MSRA: variants seen among roughly 807,000 people sequenced by gnomAD.
The protein encoded by MSRA is methionine sulfoxide reductase A.
MSRA carries 54 observed loss-of-function variants against 31.3 expected under a neutral mutation model. The observed-to-expected ratio is 1.73, with a 90% confidence interval of 1.39 to 2.17. The LOEUF (loss-of-function observed/expected upper bound fraction) is 2.17. Among genes scored for constraint, MSRA ranks in the 30% most tolerant of loss-of-function variants. MSRA has a pLI of 0.00. For synonymous variants in MSRA, 169 were observed against 116.5 expected (o/e 1.45, Z -2.90); for missense variants, 507 against 300.9 (o/e 1.69, Z -5.07).
intron 1 of MSRA, among the ~76,000 whole-genome samples, chr8:10,186,321 A>G (rs1259338273): frequency 6.6e-6 from 1 of 152,190 alleles, no homozygotes; most frequent in African/African-American, 2.4e-5. Context: ...GGTTCCTGTC[A>G]CGATGACTGC....
chr8:10,271,245 G>A (rs1243321424), intron 3 of MSRA, among the ~76,000 whole-genome samples: 1 of 152,062 alleles, frequency 6.6e-6, no homozygotes, highest in Non-Finnish European at 1.5e-5. Context: ...GGAAGCAAGG[G>A]GAATAGAGAA....
intron 1 of MSRA, among the ~76,000 whole-genome samples, chr8:10,135,959 CG>C (rs1163135876): frequency 6.6e-6 from 1 of 152,120 alleles, no homozygotes; most frequent in Admixed American, 6.5e-5. Flanking sequence ...TTGGGGGCTG[CG>C]TGTTGCACTG....
chr8:10,176,542 C>T (rs769146226), intron 1 of MSRA, among the ~76,000 whole-genome samples: 2 of 152,232 alleles, frequency 1.3e-5, no homozygotes, highest in Admixed American at 6.5e-5. Flanking sequence ...GGGCTGAATG[C>T]TCACACTTGT....
chr8:10,096,137 G>T, intron 1 of MSRA: 2 of 1,240,198 alleles, frequency 1.6e-6, no homozygotes, highest in Non-Finnish European at 2.1e-6. Flanking sequence ...AGCCCAGCCA[G>T]GAAGTCAGAG....
intron 2 of MSRA, among the ~76,000 whole-genome samples, chr8:10,211,714 A>AT (rs2129061852): frequency 6.6e-6 from 1 of 152,270 alleles, no homozygotes; most frequent in South Asian, 2.1e-4. Flanking sequence ...TTCCTCAGGT[A>AT]TGAGAACATC....
intron 1 of MSRA, among the ~76,000 whole-genome samples, chr8:10,072,576 G>C (rs1797789369): frequency 2.6e-5 from 4 of 152,062 alleles, no homozygotes; most frequent in Admixed American, 2.6e-4. Flanking sequence ...GATTGTTTTA[G>C]CTGTTCTAAG....
rs770641155 is a variant in MSRA at position 10,428,136 on chromosome 8, G to C, written c.544-12G>C. ...GCATGGGAGCTGATGGCGCCTTTCT[G>C]TGTCCCCACAGGTTCTTTCAGAGCA... On this transcript the variant is annotated splice_polypyrimidine_tract_variant and intron_variant, in intron 5 of 5. Transcript: ENST00000317173. 4 of 1,606,982 alleles carry C rather than the reference G, an allele frequency of 2.5e-6. No homozygotes were observed. The highest frequency in any genetic ancestry group is 2.7e-5 in the African/African-American group (2 of 74,334).
At chr8:10,293,511 G>T (rs1800361488) in intron 3 of MSRA, among the ~76,000 whole-genome samples, 1 of 152,180 alleles carries the variant, frequency 6.6e-6, no homozygotes. Flanking sequence ...GAGCATCTTA[G>T]CCTGGGCCTC....
At chr8:10,409,059 T>C (rs1395077510) in intron 5 of MSRA, among the ~76,000 whole-genome samples, 1 of 152,240 alleles carries the variant, frequency 6.6e-6, no homozygotes, top group Non-Finnish European at 1.5e-5. Flanking sequence ...CATGTAATGA[T>C]TTATTTTCCT....
chr8:10,068,300 G>A lies in MSRA; in HGVS notation c.142+13642G>A, dbSNP rs547404647. Among the ~76,000 whole-genome samples the A allele has an allele frequency of 2.2e-4, 33 of 152,262 alleles. 1 individual carries two copies. Among genetic ancestry groups the A allele is most frequent in the African/African-American group, 7.7e-4 (32 of 41,552 alleles). On this transcript the variant is annotated intron_variant, in intron 1 of 5. Transcript: ENST00000317173. ...CTTATCTTCTTGACAGTATCTTTGG[G>A]AAAGGAGAAGTTTTTAATTTAAATG...
intron 2 of MSRA, among the ~76,000 whole-genome samples, chr8:10,239,203 C>T (rs1812199478): frequency 6.6e-6 from 1 of 151,818 alleles, no homozygotes; most frequent in African/African-American, 2.4e-5. Flanking sequence ...TGCTCTGTTG[C>T]CAGGCTGGAG....
Position 10,335,068 on chromosome 8 carries a change from T to C in MSRA, c.543+15079T>C, listed in dbSNP as rs1016128553. Among the ~76,000 whole-genome samples, 6 of 152,260 alleles carry C rather than the reference T, an allele frequency of 3.9e-5. 1 individual carries two copies. In the Middle Eastern group the frequency reaches 0.02, roughly 518 times the overall value. ...AGGTAGAGGCCTGGGCATGGTGCGT[T>C]GCAGGACGGGCCGGGCGCAGGGACC... On this transcript the variant is annotated intron_variant, in intron 5 of 5. Transcript: ENST00000317173.
At chr8:10,166,153 C>T (rs1805101680) in intron 1 of MSRA, among the ~76,000 whole-genome samples, 1 of 152,302 alleles carries the variant, frequency 6.6e-6, no homozygotes, top group African/African-American at 2.4e-5. Context: ...CAGTCTCACA[C>T]TGGGTATGAG....
chr8:10,244,188 C>T (rs909925010), intron 2 of MSRA, among the ~76,000 whole-genome samples: 1 of 152,136 alleles, frequency 6.6e-6, no homozygotes, highest in African/African-American at 2.4e-5. Context: ...TTCATAAAGC[C>T]ATATAAAATT....
At chr8:10,110,052 G>T (rs775701757) in intron 1 of MSRA, among the ~76,000 whole-genome samples, 3 of 151,968 alleles carry the variant, frequency 2.0e-5, no homozygotes, top group Non-Finnish European at 2.9e-5. Flanking sequence ...CTCTCGGATG[G>T]GAGGCCACTC....
intron 1 of MSRA, among the ~76,000 whole-genome samples, chr8:10,189,047 GT>G (rs1399703959): frequency 6.6e-6 from 1 of 152,068 alleles, no homozygotes; most frequent in Admixed American, 6.5e-5. Context: ...TCTCAACAGT[GT>G]TTTATAGTTT....
chr8:10,344,574 C>CAAAAA (rs56843505), intron 5 of MSRA, among the ~76,000 whole-genome samples: 2 of 64,638 alleles, frequency 3.1e-5, no homozygotes, highest in African/African-American at 7.4e-5. Context: ...GACTCCGTCT[C>CAAAAA]AAAAAAAAAA....
rs1212061136 is a variant in MSRA at position 10,106,526 on chromosome 8, A to G, written c.142+51868A>G. Among the ~76,000 whole-genome samples, 5 of 152,242 alleles carry G rather than the reference A, an allele frequency of 3.3e-5. No individual in the cohort carries two copies. The East Asian group carries it at 9.6e-4, about 29-fold the overall frequency. ...TTACAAACCCTGTTTTCTCTAGGTT[A>G]TCTAAGTCAGTGCAACTCTGTGAGA... On this transcript the variant is annotated intron_variant, in intron 1 of 5. Transcript: ENST00000317173.
At chr8:10,150,926 G>C (rs2129036529) in intron 1 of MSRA, among the ~76,000 whole-genome samples, 1 of 152,198 alleles carries the variant, frequency 6.6e-6, no homozygotes, top group South Asian at 2.1e-4. Flanking sequence ...GTGTGGCGTG[G>C]ACAGACCCGT....
Sources: allele counts gnomAD v4.1 joint callset (sites outside exome capture counted in the v4.1 genomes callset), GRCh38; gene constraint gnomAD v4.1.1; transcripts MANE v1.5; gene names NCBI Gene and HGNC (gene_info 2026-07-23, HGNC 2026-07-21).